Variants in PRKACB observed in about 807,000 individuals in gnomAD.
PRKACB encodes the protein cAMP-dependent protein kinase catalytic subunit beta.
Under a neutral mutation model 51.4 loss-of-function variants are expected in PRKACB, and 16 were observed. The ratio of observed to expected loss-of-function variants is 0.31; its 90% confidence interval spans 0.21 to 0.47. PRKACB has a LOEUF of 0.47. PRKACB is among the 20% of genes least tolerant of loss of function. The probability of loss-of-function intolerance (pLI) is 1.00; values close to 1 mark genes in which losing one functional copy is unlikely to be tolerated. For missense variants in PRKACB, 309 were observed against 464.5 expected (o/e 0.67, Z 3.08); for synonymous variants, 147 against 154.4 (o/e 0.95, Z 0.35).
chr1:84,087,850 T>G (rs1648139114), intron 1 of PRKACB, among the ~76,000 whole-genome samples: 1 of 152,212 alleles, frequency 6.6e-6, no homozygotes, highest in Non-Finnish European at 1.5e-5. Flanking sequence ...TTTTAGTGGA[T>G]TTCTTTATTT....
At chr1:84,201,424 T>G (rs1670071082) in intron 7 of PRKACB, among the ~76,000 whole-genome samples, 1 of 152,092 alleles carries the variant, frequency 6.6e-6, no homozygotes, top group South Asian at 2.1e-4. Context: ...TTCTATACCT[T>G]GGGTATTAAC....
chr1:84,220,653 T>A (rs1673563147), intron 9 of PRKACB, among the ~76,000 whole-genome samples: 1 of 152,194 alleles, frequency 6.6e-6, no homozygotes, highest in African/African-American at 2.4e-5. Context: ...CAGGAGGGGA[T>A]GTTGGCTTTT....
rs1040106881 is a variant in PRKACB at position 84,092,880 on chromosome 1, A to G, written c.46+14509A>G. 8.6e-5 allele frequency among the ~76,000 whole-genome samples: 13 copies of G among 151,380 alleles called. 1 individual carries two copies. Among genetic ancestry groups the G allele is most frequent in the Admixed American group, 7.9e-4 (12 of 15,244 alleles). ...GGTCATTTGGATATCCTCTTTTTAT[A>G]AAATGTTTTTTTTTTTTTCAGGTAT... On this transcript the variant is annotated intron_variant, in intron 1 of 8. Coordinates refer to the PRKACB transcript ENST00000370688.
rs560796856 is a variant in PRKACB at position 84,133,941 on chromosome 1, G to A, written c.47-45236G>A. Reference sequence around the variant, plus strand: ...TGTGTATCCTGAGCTCTTGTCCTGCGTACAGGAAAGATTAGGTTGCATGAA... The same window carrying A: ...TGTGTATCCTGAGCTCTTGTCCTGCATACAGGAAAGATTAGGTTGCATGAA... On this transcript the variant is annotated intron_variant, in intron 1 of 8. Coordinates refer to the PRKACB transcript ENST00000370688. Among the ~76,000 whole-genome samples, 12 of 152,262 alleles carry A rather than the reference G, an allele frequency of 7.9e-5. No homozygotes were observed. In the South Asian group the frequency reaches 8.3e-4, roughly 11 times the overall value.
At chr1:84,115,214 T>A (rs1450792557) in intron 1 of PRKACB, among the ~76,000 whole-genome samples, 1 of 151,978 alleles carries the variant, frequency 6.6e-6, no homozygotes, top group East Asian at 1.9e-4. Flanking sequence ...TTTTTTTTTT[T>A]AATGATAGCC....
At chr1:84,147,811 A>G (rs1156617732) in intron 1 of PRKACB, among the ~76,000 whole-genome samples, 2 of 152,164 alleles carry the variant, frequency 1.3e-5, no homozygotes, top group Non-Finnish European at 2.9e-5. Context: ...GAACTTACTT[A>G]AAAGGTTTAG....
chr1:84,162,336 A>G (rs1485145112), intron 1 of PRKACB, among the ~76,000 whole-genome samples: 5 of 151,894 alleles, frequency 3.3e-5, no homozygotes, highest in African/African-American at 4.8e-5. Context: ...TTTTCCATCA[A>G]ATTGGGACAT....
intron 1 of PRKACB, among the ~76,000 whole-genome samples, chr1:84,156,637 C>T (rs1013949397): frequency 7.2e-5 from 11 of 152,066 alleles, no homozygotes; most frequent in Non-Finnish European, 1.3e-4. Flanking sequence ...AACCAGTGGT[C>T]TGTGAGCCAG....
rs922273422 is a variant in PRKACB, at chr1:84,237,672, C to G, written c.*2367C>G. ...TTCCCAGTTTCAGCCACAATTTAGC[C>G]AAGAATAAGATAAAAACTTGAATAA... On this transcript the variant is annotated 3_prime_UTR_variant, in exon 10 of 10. Coordinates refer to ENST00000370685, the MANE Select transcript of PRKACB (RefSeq NM_182948.4). 6.6e-6 allele frequency: 1 copy of G among 151,972 alleles called. No individual in the cohort carries two copies. The highest frequency in any genetic ancestry group is 1.5e-5 in the Non-Finnish European group (1 of 67,944). 9.4% of individuals were successfully genotyped at this position (151,972 alleles called of 1,614,324 possible).
At chr1:84,165,155 A>AC in intron 1 of PRKACB, 1 of 630,918 alleles carries the variant, frequency 1.6e-6, no homozygotes, top group Non-Finnish European at 2.5e-6. Flanking sequence ...CTTAGGCATT[A>AC]TAGTAAATTG....
chr1:84,136,418 T>C (rs1285447063), intron 1 of PRKACB, among the ~76,000 whole-genome samples: 2 of 151,870 alleles, frequency 1.3e-5, no homozygotes, highest in African/African-American at 4.8e-5. Context: ...TGAAAAGATA[T>C]TCAATATTAT....
chr1:84,198,604 TC>T (rs1668863564), intron 7 of PRKACB, among the ~76,000 whole-genome samples: 1 of 152,070 alleles, frequency 6.6e-6, no homozygotes, highest in Non-Finnish European at 1.5e-5. Flanking sequence ...TATTTTATAA[TC>T]TAAATATCAT....
At chr1:84,095,524 T>C (rs555919812) in intron 1 of PRKACB, among the ~76,000 whole-genome samples, 9 of 152,052 alleles carry the variant, frequency 5.9e-5, no homozygotes, top group African/African-American at 2.2e-4. Flanking sequence ...AGTGTTGCTT[T>C]ATGAAGGTAG....
chr1:84,096,248 A>G (rs1426065507), intron 1 of PRKACB, among the ~76,000 whole-genome samples: 1 of 152,038 alleles, frequency 6.6e-6, no homozygotes, highest in African/African-American at 2.4e-5. Flanking sequence ...GCTAGCCCTG[A>G]ACTTCAATTT....
At position 84,180,206 on chromosome 1, in the gene PRKACB, A is replaced by ATATATG. The variant is rs1553173784; in HGVS notation, c.249+971_249+972insATGTAT. On this transcript the variant is annotated intron_variant, in intron 2 of 9. Transcript: ENST00000370685. ...GTGATATATATATATATATATATAT[A>ATATATG]TATGTATGATGGAGTACTATGCAGC... is the stretch of plus-strand genomic sequence containing the variant. Among the ~76,000 whole-genome samples, 323 of 127,136 alleles carry ATATATG rather than the reference A, an allele frequency of 2.5e-3. 13 individuals are homozygous for ATATATG. The highest frequency in any genetic ancestry group is 8.4e-3 in the African/African-American group (302 of 36,104). The allele number at this position is 127,136 out of a possible 152,430, so 83.4% of individuals were successfully genotyped here.
chr1:84,131,962 A>G (rs1375244323), intron 1 of PRKACB, among the ~76,000 whole-genome samples: 1 of 152,158 alleles, frequency 6.6e-6, no homozygotes, highest in African/African-American at 2.4e-5. Context: ...ATCATTATGA[A>G]ATATACCCAG....
chr1:84,147,899 C>T (rs74516006), intron 1 of PRKACB, among the ~76,000 whole-genome samples: 600 of 152,126 alleles, frequency 3.9e-3, no homozygotes, highest in Non-Finnish European at 5.6e-3. Flanking sequence ...TTTTGTACTA[C>T]GCTGTATTAG....
At chr1:84,218,271 T>G (rs967873404) in intron 9 of PRKACB, among the ~76,000 whole-genome samples, 17 of 152,214 alleles carry the variant, frequency 1.1e-4, no homozygotes, top group African/African-American at 3.9e-4. Context: ...TCTAACTGTA[T>G]GTTTGTTCTC....
rs760180985 is a variant in PRKACB at position 84,179,122 on chromosome 1, T to C, written c.188-55T>C. The C allele has an allele frequency of 9.5e-6, 14 of 1,468,762 alleles. No individual in the cohort carries two copies. The African/African-American group carries it at 1.4e-4, about 15-fold the overall frequency. 91.0% of individuals were successfully genotyped at this position (1,468,762 alleles called of 1,614,324 possible). ...ACCATATGCAATATAAATATTCTTATACAGAATATAAATATTCTTACAAGA... is the reference window on the plus strand; with the variant it reads ...ACCATATGCAATATAAATATTCTTACACAGAATATAAATATTCTTACAAGA... On this transcript the variant is annotated intron_variant, in intron 1 of 9. Transcript: ENST00000370685.
Sources: gnomAD v4.1 joint callset for allele counts (sites outside exome capture counted in the v4.1 genomes callset) on GRCh38, gnomAD v4.1.1 for gene constraint, MANE v1.5 for transcripts, NCBI Gene and HGNC (gene_info 2026-07-23, HGNC 2026-07-21) for gene names.